Variants in SLC6A12 observed in about 807,000 individuals in gnomAD.
SLC6A12 encodes the protein sodium- and chloride-dependent betaine transporter.
In SLC6A12, 50 loss-of-function variants were observed where a neutral mutation model predicts 73.3. That is an observed-to-expected ratio of 0.68 (90% CI 0.54 to 0.86). The LOEUF (loss-of-function observed/expected upper bound fraction) is 0.86, where lower values mean the gene tolerates loss of function less well. Ranked by LOEUF, SLC6A12 falls within the 40% of genes least tolerant of loss-of-function variation. SLC6A12 has a pLI of 0.00. For synonymous variants in SLC6A12, 304 were observed against 309.2 expected, an observed-to-expected ratio of 0.98 and a Z score of 0.18; for missense variants, 648 against 772.8, an observed-to-expected ratio of 0.84 and a Z score of 1.92.
rs188610 is a variant in SLC6A12, at chr12:204,673, G to A, written c.240C>T (p.Ile80=). Residue 80 remains isoleucine, a synonymous_variant, in exon 4 of 16, where the codon ATC becomes ATT. Coordinates refer to ENST00000684302, the MANE Select transcript of SLC6A12 (RefSeq NM_001122848.3). ...GGGAFFIPYF[I]FFFVCGIPVF... The stretch of plus-strand genomic sequence containing the variant: ...CCGGGATGCCGCAGACAAAGAAGAA[G>A]ATGAAGTAGGGGATGAAGAAGGCTC... 21,638 of 1,614,118 alleles carry A rather than the reference G, an allele frequency of 0.013. 1,802 individuals carry two copies. The African/African-American group carries it at 0.21, about 16-fold the overall frequency.
intron 7 of SLC6A12, chr12:199,163 G>A: frequency 3.9e-6 from 2 of 511,140 alleles, no homozygotes; most frequent in Non-Finnish European, 7.0e-6. Flanking sequence ...AGGGGAGGAG[G>A]AAGACAGGGA....
At chr12:191,805 T>C (rs1299861942) in intron 15 of SLC6A12, among the ~76,000 whole-genome samples, 1 of 152,088 alleles carries the variant, frequency 6.6e-6, no homozygotes, top group Non-Finnish European at 1.5e-5. Flanking sequence ...GATGGAAGTG[T>C]AGAAATGCAG....
At chr12:212,519 A>G (rs1376818855) in intron 1 of SLC6A12, among the ~76,000 whole-genome samples, 1 of 152,334 alleles carries the variant, frequency 6.6e-6, no homozygotes, top group East Asian at 1.9e-4. Flanking sequence ...ATGATTTTTT[A>G]AAAATAAAAA....
intron 3 of SLC6A12, 114 bp from the exon 4 acceptor site, chr12:204,812 C>A (rs1940544658): frequency 1.7e-6 from 2 of 1,211,604 alleles, no homozygotes; most frequent in Non-Finnish European, 2.3e-6. Flanking sequence ...TTCTTAATCT[C>A]CCTCCTGACA....
chr12:201,523 G>A (rs1056981408), intron 6 of SLC6A12: 5 of 518,620 alleles, frequency 9.6e-6, no homozygotes, highest in Admixed American at 9.6e-5. Flanking sequence ...ACGCATGGAG[G>A]TAGGGATGTG....
chr12:200,320 G>T (rs985984075), intron 7 of SLC6A12, among the ~76,000 whole-genome samples: 9 of 151,934 alleles, frequency 5.9e-5, no homozygotes, highest in East Asian at 1.9e-4. Flanking sequence ...GTGTTAGCCA[G>T]GATGGTCTCG....
At chr12:193,563 TCACGAGGCAGGGGCTGCCCCCA>T (rs1198794313) in intron 13 of SLC6A12, among the ~76,000 whole-genome samples, 186 bp from the exon 14 acceptor site, 1 of 152,126 alleles carries the variant, frequency 6.6e-6, no homozygotes. Flanking sequence ...TGCATTCGAG[TCACGAGGCAGGGGCTGCCCCCA>T]CACACTGCTG....
chr12:196,254 C>A lies in SLC6A12; in HGVS notation c.1196G>T (p.Cys399Phe). 1 of 1,608,538 alleles carries A rather than the reference C, an allele frequency of 6.2e-7. No individual in the cohort carries two copies. Among genetic ancestry groups the A allele is most frequent in the Admixed American group, 1.7e-5 (1 of 59,254 alleles). Reference protein sequence around the residue: ...IFLGLDSQFVCVECLVTASID... With the variant: ...IFLGLDSQFVFVECLVTASID... ...GGAGGCTGTCACCAGGCACTCCACA[C>A]AGACAAACTGTGGGCCAGGAGGGGA... The change falls in exon 12 of 16, where the codon TGT becomes TTT. Residue 399 changes from cysteine (C) to phenylalanine (F), a missense_variant. Physicochemically the swap from Cys to Phe is radical, Grantham distance 205. Coordinates refer to ENST00000684302, the MANE Select transcript of SLC6A12 (RefSeq NM_001122848.3).
chr12:199,778 T>C (rs1476230029), intron 7 of SLC6A12: 4 of 152,096 alleles, frequency 2.6e-5, no homozygotes, highest in Non-Finnish European at 5.9e-5. Context: ...ATCTGAATTC[T>C]GTCTATGTGA....
intron 13 of SLC6A12, 36 bp from the exon 14 acceptor site, chr12:193,413 G>T: frequency 6.6e-7 from 1 of 1,511,928 alleles, no homozygotes. Context: ...GTGAGAGCCA[G>T]AGGGTGAGAA....
chr12:212,494 C>A (rs192889241), intron 1 of SLC6A12, among the ~76,000 whole-genome samples: 2 of 151,982 alleles, frequency 1.3e-5, no homozygotes, highest in Admixed American at 6.6e-5. Flanking sequence ...GCTGGTGAAC[C>A]GACACTGACG....
At chr12:187,878 TAG>T (rs1939464442), downstream of SLC6A12, among the ~76,000 whole-genome samples, 1 of 152,108 alleles carries the variant, frequency 6.6e-6, no homozygotes. Flanking sequence ...CCAGAGAAGC[TAG>T]ATACAGAGTG....
downstream of SLC6A12, among the ~76,000 whole-genome samples, chr12:188,947 C>T (rs1565461987): frequency 2.0e-5 from 3 of 152,316 alleles, no homozygotes; most frequent in South Asian, 6.2e-4. Flanking sequence ...GCTGTGGACG[C>T]TCTCAGCCAG....
rs763097762 is a variant in SLC6A12 at position 209,907 on chromosome 12, T to C, written c.80A>G (p.Gln27Arg). The C allele has an allele frequency of 2.5e-6, 4 of 1,614,206 alleles. No individual in the cohort carries two copies. Among genetic ancestry groups the C allele is most frequent in the South Asian group, 2.2e-5 (2 of 91,082 alleles). Residue 27 changes from glutamine (Q) to arginine (R), a missense_variant, in exon 3 of 16, where the codon CAG becomes CGG. Transcript: ENST00000684302. ...ATCCTTCACCTGGTCCTCGTCTTCC[T>C]GGTCCAACTTCTCTCCCTCCTCGGG... is the stretch of plus-strand genomic sequence containing the variant. ...WVPEEGEKLD[Q>R]EDEDQVKDRG...
chr12:187,106 G>A (rs1004901718), downstream of SLC6A12, among the ~76,000 whole-genome samples: 2 of 152,224 alleles, frequency 1.3e-5, no homozygotes, highest in Non-Finnish European at 2.9e-5. Flanking sequence ...CATGCCTCAG[G>A]GCTTCTGCTG....
At chr12:200,449 T>C (rs986255944) in intron 7 of SLC6A12, among the ~76,000 whole-genome samples, 4 of 152,204 alleles carry the variant, frequency 2.6e-5, no homozygotes, top group African/African-American at 9.7e-5. Flanking sequence ...TAAAGTCATA[T>C]TGAAAAAGAA....
downstream of SLC6A12, among the ~76,000 whole-genome samples, chr12:186,981 C>T (rs1227287071): frequency 6.6e-6 from 1 of 152,192 alleles, no homozygotes; most frequent in East Asian, 1.9e-4. Flanking sequence ...TGTTCCCTCC[C>T]CTGCCCAAAG....
At chr12:187,603 AAAAAAAAAAAAAAAAAAAAAAAAAAAAAC>A (rs1221713263), downstream of SLC6A12, among the ~76,000 whole-genome samples, 291 of 12,114 alleles carry the variant, frequency 0.024, 14 homozygotes, top group Non-Finnish European at 0.14. Flanking sequence ...AAAAAAAAAA[AAAAAAAAAAAAAAAAAAAAAAAAAAAAAC>A]AAACCACACA....
chr12:204,797 T>A (rs1940544047), intron 3 of SLC6A12, 99 bp from the exon 4 acceptor site: 2 of 1,375,204 alleles, frequency 1.5e-6, no homozygotes, highest in Admixed American at 4.0e-5. Flanking sequence ...CCCTCCACCA[T>A]CCTGTTCTTA....
Sources: allele counts gnomAD v4.1 joint callset (sites outside exome capture counted in the v4.1 genomes callset), GRCh38; gene constraint gnomAD v4.1.1; transcripts MANE v1.5; gene names NCBI Gene and HGNC (gene_info 2026-07-23, HGNC 2026-07-21).